RASA1: variants seen among roughly 807,000 people sequenced by gnomAD.
RASA1 encodes the protein ras GTPase-activating protein 1.
RASA1 carries 25 observed loss-of-function variants against 132.2 expected under a neutral mutation model. The observed-to-expected ratio is 0.19, with a 90% CI of 0.14 to 0.26. RASA1 has a LOEUF of 0.26. Among genes scored for constraint, RASA1 ranks in the 10% least tolerant of loss-of-function variants. The pLI is 1.00. For synonymous variants in RASA1, 477 were observed against 449.9 expected (o/e 1.06, Z -0.76); for missense variants, 964 against 1,299.2 (o/e 0.74, Z 3.97).
At chr5:87,287,205 CAT>C (rs771806531) in intron 1 of RASA1, among the ~76,000 whole-genome samples, 3 of 140,638 alleles carry the variant, frequency 2.1e-5, no homozygotes, top group Admixed American at 7.2e-5. Context: ...ATATACACAC[CAT>C]ATATATACAC....
At chr5:87,334,213 TC>T (rs1757798712) in intron 4 of RASA1, among the ~76,000 whole-genome samples, 1 of 152,130 alleles carries the variant, frequency 6.6e-6, no homozygotes, top group Admixed American at 6.6e-5. Flanking sequence ...TCAGTCTACA[TC>T]TGAAGACCTG....
intron 11 of RASA1, among the ~76,000 whole-genome samples, chr5:87,368,536 G>A (rs548652157): frequency 1.8e-4 from 28 of 152,146 alleles, no homozygotes; most frequent in African/African-American, 5.8e-4. Flanking sequence ...ATGTTATTGC[G>A]TCCAGAAAGA....
intron 17 of RASA1, chr5:87,377,268 C>A (rs1293741294): frequency 3.6e-6 from 2 of 552,190 alleles, no homozygotes; most frequent in East Asian, 6.6e-5. Flanking sequence ...TACTAGAAGC[C>A]ACAAGAAGGT....
chr5:87,329,045 A>G (rs879889289), intron 1 of RASA1, among the ~76,000 whole-genome samples: 2 of 152,184 alleles, frequency 1.3e-5, no homozygotes, highest in Admixed American at 6.5e-5. Context: ...ACCTTTTGAC[A>G]TGAAGGAAAT....
chr5:87,346,653 AATTT>A lies in RASA1; in HGVS notation c.1050-15_1050-12del. 6.7e-7 allele frequency: 1 copy of A among 1,482,132 alleles called. No homozygotes were observed. The highest frequency in any genetic ancestry group is 1.4e-5 in the African/African-American group (1 of 71,978). 91.8% of individuals were successfully genotyped at this position (1,482,132 alleles called of 1,614,324 possible). On this transcript the variant is annotated splice_polypyrimidine_tract_variant and intron_variant, in intron 6 of 24. Coordinates refer to ENST00000274376, the MANE Select transcript of RASA1 (RefSeq NM_002890.3). ...CAAAAAGGACTTTATTTATATATCT[AATTT>A]ATTCTCTTTTTAAGATGGTTCCATG...
intron 11 of RASA1, among the ~76,000 whole-genome samples, chr5:87,366,948 T>G (rs1317701240): frequency 6.6e-6 from 1 of 152,172 alleles, no homozygotes; most frequent in Admixed American, 6.5e-5. Flanking sequence ...ATGAGGATTG[T>G]CTGAGCCCAG....
chr5:87,366,830 G>C (rs1448841741), intron 11 of RASA1, among the ~76,000 whole-genome samples: 1 of 152,104 alleles, frequency 6.6e-6, no homozygotes, highest in Non-Finnish European at 1.5e-5. Context: ...TCAGGGGTTG[G>C]AGACCAGCCT....
intron 9 of RASA1, among the ~76,000 whole-genome samples, chr5:87,356,227 A>G (rs1759638921): frequency 6.6e-6 from 1 of 152,134 alleles, no homozygotes; most frequent in African/African-American, 2.4e-5. Flanking sequence ...GTGAAAGAAG[A>G]GTCAATTGAT....
At chr5:87,354,699 G>A (rs895742746) in intron 9 of RASA1, among the ~76,000 whole-genome samples, 2 of 152,162 alleles carry the variant, frequency 1.3e-5, no homozygotes, top group Non-Finnish European at 2.9e-5. Flanking sequence ...AAATGATTAA[G>A]CTTAGGGAGG....
intron 1 of RASA1, among the ~76,000 whole-genome samples, chr5:87,271,009 C>T (rs1057157666): frequency 1.3e-5 from 2 of 152,042 alleles, no homozygotes; most frequent in African/African-American, 4.8e-5. Flanking sequence ...GAGGCCGAGG[C>T]GGGTGGATCA....
intron 9 of RASA1, among the ~76,000 whole-genome samples, chr5:87,360,801 T>C (rs1760029647): frequency 6.6e-6 from 1 of 152,202 alleles, no homozygotes; most frequent in African/African-American, 2.4e-5. Flanking sequence ...TCTGCCATCA[T>C]GATAAGAGTC....
intron 1 of RASA1, among the ~76,000 whole-genome samples, chr5:87,325,150 AAGG>A (rs1299916169): frequency 6.6e-6 from 1 of 152,120 alleles, no homozygotes; most frequent in African/African-American, 2.4e-5. Context: ...TGGTGTCATC[AAGG>A]AGAAGTACTG....
Position 87,268,374 on chromosome 5 carries a change from G to C in RASA1, c.-78G>C, listed in dbSNP as rs1753657621. The C allele has an allele frequency of 1.4e-6, 2 of 1,449,912 alleles. No homozygotes were observed. Among genetic ancestry groups the C allele is most frequent in the Non-Finnish European group, 1.8e-6 (2 of 1,098,126 alleles). 89.8% of individuals were successfully genotyped at this position (1,449,912 alleles called of 1,614,324 possible). On this transcript the variant is annotated 5_prime_UTR_variant, in exon 1 of 25. Transcript: ENST00000274376. ...CTGAAGGGGAGACGCGTCTGGGTGG[G>C]GCTGCTCGGAGCCCGGGCCTGGTGG...
chr5:87,330,099 G>T (rs1482616988), intron 1 of RASA1, among the ~76,000 whole-genome samples: 1 of 152,018 alleles, frequency 6.6e-6, no homozygotes, highest in East Asian at 1.9e-4. Flanking sequence ...GTAATGGAAC[G>T]CTATAAATAA....
At chr5:87,335,775 T>C (rs1183549498) in intron 4 of RASA1, among the ~76,000 whole-genome samples, 2 of 152,116 alleles carry the variant, frequency 1.3e-5, no homozygotes, top group Non-Finnish European at 2.9e-5. Flanking sequence ...CTAGAAGATA[T>C]AGATAGCTCA....
chr5:87,336,374 A>C (rs1757972015), intron 4 of RASA1, among the ~76,000 whole-genome samples: 3 of 152,136 alleles, frequency 2.0e-5, no homozygotes, highest in Non-Finnish European at 4.4e-5. Context: ...CCAAAAAGAA[A>C]AAAAAAATAG....
intron 1 of RASA1, among the ~76,000 whole-genome samples, chr5:87,277,920 A>C (rs1754137221): frequency 6.6e-6 from 1 of 152,086 alleles, no homozygotes; most frequent in Non-Finnish European, 1.5e-5. Flanking sequence ...AAGATCCTAC[A>C]CATGACCATG....
In RASA1 at chr5:87,268,659, G is replaced by C. The variant is rs1451991734; in HGVS notation, c.208G>C (p.Glu70Gln). ...GGGTGGCGGAGCCGCTTTGGGGTCAGAGTTCCTAGGAGCCGGGTCTGTGGC... is the reference window on the plus strand; with the variant it reads ...GGGTGGCGGAGCCGCTTTGGGGTCACAGTTCCTAGGAGCCGGGTCTGTGGC... ...TLGGGAALGSEFLGAGSVAGA... is the reference protein window; with the variant it reads ...TLGGGAALGSQFLGAGSVAGA... Residue 70 changes from glutamate to glutamine, a missense_variant, in exon 1 of 25, where the codon GAG becomes CAG. Glu to Gln is a conservative substitution (Grantham distance 29, BLOSUM62 2). Coordinates refer to ENST00000274376, the MANE Select transcript of RASA1 (RefSeq NM_002890.3). 5.6e-6 allele frequency: 9 copies of C among 1,610,888 alleles called. No individual in the cohort carries two copies. The highest frequency in any genetic ancestry group is 7.6e-6 in the Non-Finnish European group (9 of 1,178,908).
At chr5:87,349,751 T>A (rs1468326097) in intron 8 of RASA1, among the ~76,000 whole-genome samples, 2 of 151,928 alleles carry the variant, frequency 1.3e-5, no homozygotes, top group African/African-American at 4.8e-5. Context: ...ACCTGAGACT[T>A]ATTATACAGA....
Sources: allele counts gnomAD v4.1 joint callset (sites outside exome capture counted in the v4.1 genomes callset), GRCh38; gene constraint gnomAD v4.1.1; transcripts MANE v1.5; gene names NCBI Gene and HGNC (gene_info 2026-07-23, HGNC 2026-07-21).